The following UBA52 variants were observed in gnomAD, a reference collection of about 807,000 sequenced individuals.
UBA52 encodes ubiquitin-ribosomal protein eL40 fusion protein.
UBA52 carries 1 observed loss-of-function variant against 15.3 expected under a neutral mutation model. The observed-to-expected ratio is 0.07, with a 90% CI of 0.02 to 0.31. The LOEUF (loss-of-function observed/expected upper bound fraction) is 0.31. Ranked by LOEUF, UBA52 falls within the 10% of genes least tolerant of loss-of-function variation. The probability of loss-of-function intolerance (pLI) is 1.00; values close to 1 mark genes in which losing one functional copy is unlikely to be tolerated. For synonymous variants in UBA52, 50 were observed against 58.3 expected (o/e 0.86, Z 0.65); for missense variants, 87 against 168.0 (o/e 0.52, Z 2.66).
chr19:18,568,212 A>G (rs978279692), upstream of UBA52, among the ~76,000 whole-genome samples: 2 of 150,748 alleles, frequency 1.3e-5, no homozygotes, highest in African/African-American at 4.9e-5. Context: ...GGTTGCAGTG[A>G]GCCGAGATTA....
In UBA52 at chr19:18,574,953, G is replaced by A; in HGVS notation, c.274G>A (p.Asp92Asn). Reference sequence around the variant, plus strand: ...CCAGCTTGCCCAGAAATACAACTGCGACAAGATGATCTGCCGCAAGTATGT... The same window carrying A: ...CCAGCTTGCCCAGAAATACAACTGCAACAAGATGATCTGCCGCAAGTATGT... ...LRQLAQKYNC[D>N]KMICRKCYAR... Residue 92 changes from aspartate to asparagine, a missense_variant, in exon 4 of 5, where the codon GAC becomes AAC. Asp to Asn is a conservative substitution (Grantham distance 23). Coordinates refer to ENST00000442744, the MANE Select transcript of UBA52 (RefSeq NM_001033930.3). The A allele has an allele frequency of 2.5e-6, 4 of 1,614,168 alleles. No homozygotes were observed. Among genetic ancestry groups the A allele is most frequent in the Non-Finnish European group, 3.4e-6 (4 of 1,180,028 alleles).
In UBA52 at chr19:18,576,019, T is replaced by TA. The variant is rs1975768179; in HGVS notation, c.*870dup. ...CCTTGGCCTCCCAGAATGCTGGTAT[T>TA]ACAGGCGTGAGCCAGCACGCCTGGC... On this transcript the variant is annotated 3_prime_UTR_variant, in exon 5 of 5. Coordinates refer to ENST00000442744, the MANE Select transcript of UBA52 (RefSeq NM_001033930.3). 6.6e-6 allele frequency: 1 copy of TA among 152,332 alleles called. No homozygotes were observed. Among genetic ancestry groups the TA allele is most frequent in the Admixed American group, 6.5e-5 (1 of 15,274 alleles). 9.4% of individuals were successfully genotyped at this position (152,332 alleles called of 1,614,324 possible). A position where few individuals can be genotyped will look rare whatever the true frequency, so the allele number is the denominator to read the frequency against.
intron 2 of UBA52, 73 bp from the exon 3 acceptor site, chr19:18,573,588 TG>T: frequency 6.6e-7 from 1 of 1,517,666 alleles, no homozygotes; most frequent in Non-Finnish European, 9.1e-7. Context: ...GGGGTAGTGC[TG>T]GAGCTCCCCT....
intron 1 of UBA52, chr19:18,573,059 G>T: frequency 7.6e-7 from 1 of 1,322,720 alleles, no homozygotes; most frequent in Non-Finnish European, 9.9e-7. Flanking sequence ...GTGCGGTCAG[G>T]AGGGTGGAGG....
At chr19:18,566,397 G>GGCAGAGTTTGCA in the UBA52 span, among the ~76,000 whole-genome samples, 9 of 149,398 alleles carry the variant, frequency 6.0e-5, no homozygotes, top group African/African-American at 2.0e-4. Flanking sequence ...GAACCCAGGA[G>GGCAGAGTTTGCA]GTGAGCCGAG....
chr19:18,565,312 C>G, the UBA52 span: 1 of 611,722 alleles, frequency 1.6e-6, no homozygotes, highest in East Asian at 3.2e-5. Flanking sequence ...TCACTGCAAG[C>G]TCCGCTTCCC....
At chr19:18,565,230 G>A in the UBA52 span, 2 of 1,090,324 alleles carry the variant, frequency 1.8e-6, no homozygotes, top group African/African-American at 1.7e-5. Context: ...TCGAGACAGA[G>A]TTTTTTTTTT....
the UBA52 span, among the ~76,000 whole-genome samples, chr19:18,566,664 G>A: frequency 5.9e-5 from 9 of 151,626 alleles, no homozygotes; most frequent in Non-Finnish European, 1.0e-4. Flanking sequence ...ATGGTGGCAC[G>A]TGCCTGTAAT....
chr19:18,565,290 C>T, the UBA52 span: 73 of 830,746 alleles, frequency 8.8e-5, no homozygotes, highest in Admixed American at 5.8e-4. Context: ...AGTGCAGTGG[C>T]GCGACCTCAG....
chr19:18,572,752 GT>G (rs1319281813), intron 1 of UBA52: 7 of 992,520 alleles, frequency 7.1e-6, no homozygotes, highest in Non-Finnish European at 7.2e-6. Flanking sequence ...GAGTTTTGGT[GT>G]AATTGAGAAG....
intron 3 of UBA52, among the ~76,000 whole-genome samples, chr19:18,574,153 G>A (rs1388014975): frequency 1.3e-5 from 2 of 151,504 alleles, no homozygotes; most frequent in Non-Finnish European, 2.9e-5. Context: ...GCATGGTGGT[G>A]CGTGCCTGTA....
chr19:18,571,333 C>G (rs1975472626), upstream of UBA52, among the ~76,000 whole-genome samples: 2 of 141,870 alleles, frequency 1.4e-5, no homozygotes, highest in South Asian at 2.1e-4. Context: ...AAAAAAAATC[C>G]TGAGTCCCGC....
At chr19:18,567,441 C>A, upstream of UBA52, 2 of 694,314 alleles carry the variant, frequency 2.9e-6, no homozygotes, top group East Asian at 2.7e-5. Flanking sequence ...ATCCTTATCC[C>A]TGTGTGCATT....
chr19:18,573,824 G>T lies in UBA52; in HGVS notation c.190+76G>T, dbSNP rs574585269. On this transcript the variant is annotated intron_variant, in intron 3 of 4. Transcript: ENST00000442744. ...GAAAGGAGCATTGATGGCCTCAGGG[G>T]TTGGGGAGCAGTTCAAATGACTTGT... 4.3e-6 allele frequency: 6 copies of T among 1,387,526 alleles called. No homozygotes were observed. The Admixed American group carries it at 5.7e-5, about 13-fold the overall frequency. The allele number at this position is 1,387,526 out of a possible 1,614,324, so 86.0% of individuals were successfully genotyped here.
chr19:18,571,321 A>AG (rs1457895346), upstream of UBA52, among the ~76,000 whole-genome samples: 1 of 151,304 alleles, frequency 6.6e-6, no homozygotes, highest in African/African-American at 2.4e-5. Context: ...AAAAAAAAAA[A>AG]AAAAAAAAAT....
intron 2 of UBA52, 118 bp downstream of exon 2, chr19:18,573,521 C>T: frequency 2.3e-6 from 3 of 1,291,774 alleles, no homozygotes; most frequent in African/African-American, 1.5e-5. Context: ...CTTGCTTCTC[C>T]ATGTGATCTG....
intron 3 of UBA52, 23 bp from the exon 4 acceptor site, chr19:18,574,847 G>C (rs145606323): frequency 6.2e-7 from 1 of 1,611,378 alleles, no homozygotes; most frequent in East Asian, 2.2e-5. Flanking sequence ...CTCAGTCGCC[G>C]TCCTTCTGGC....
upstream of UBA52, among the ~76,000 whole-genome samples, chr19:18,567,495 C>T (rs555375005): frequency 2.0e-5 from 3 of 152,296 alleles, no homozygotes; most frequent in Admixed American, 6.5e-5. Flanking sequence ...TGACACCAGC[C>T]CCGACATCGT....
At chr19:18,564,476 C>T in the UBA52 span, among the ~76,000 whole-genome samples, 3 of 152,030 alleles carry the variant, frequency 2.0e-5, no homozygotes, top group Non-Finnish European at 2.9e-5. Flanking sequence ...AAAAAATTAG[C>T]CAGGCATGGT....
Sources: allele counts gnomAD v4.1 joint callset (sites outside exome capture counted in the v4.1 genomes callset), GRCh38; gene constraint gnomAD v4.1.1; transcripts MANE v1.5; gene names NCBI Gene and HGNC (gene_info 2026-07-23, HGNC 2026-07-21).